The following LRFN5 variants were observed in gnomAD, a reference collection of about 807,000 sequenced individuals.
The protein encoded by LRFN5 is leucine-rich repeat and fibronectin type-III domain-containing protein 5.
In LRFN5, 24 loss-of-function variants were observed where a neutral mutation model predicts 45.6. That is an observed-to-expected ratio of 0.53 (90% CI 0.38 to 0.74). The LOEUF (loss-of-function observed/expected upper bound fraction) is 0.74. Ranked by LOEUF, LRFN5 falls within the 30% of genes least tolerant of loss-of-function variation. LRFN5 has a pLI of 0.00. For synonymous variants in LRFN5, 340 were observed against 313.8 expected (o/e 1.08, Z -0.88); for missense variants, 776 against 861.5 (o/e 0.90, Z 1.24).
At chr14:41,617,193 A>G (rs1446633276) in intron 1 of LRFN5, among the ~76,000 whole-genome samples, 1 of 152,226 alleles carries the variant, frequency 6.6e-6, no homozygotes, top group African/African-American at 2.4e-5. Flanking sequence ...GATGATGATG[A>G]TCATCAGCAT....
chr14:41,743,405 G>C (rs1355834076), intron 1 of LRFN5, among the ~76,000 whole-genome samples: 1 of 152,080 alleles, frequency 6.6e-6, no homozygotes, highest in Non-Finnish European at 1.5e-5. Flanking sequence ...CTTAAACAGT[G>C]TCTGCTTTGG....
intron 1 of LRFN5, among the ~76,000 whole-genome samples, chr14:41,710,794 G>A (rs185700768): frequency 3.3e-5 from 5 of 150,864 alleles, no homozygotes; most frequent in Admixed American, 6.6e-5. Flanking sequence ...GACAGGCCCC[G>A]GTGTGTGATG....
chr14:41,798,396 A>G (rs1461932956), intron 2 of LRFN5, among the ~76,000 whole-genome samples: 1 of 152,086 alleles, frequency 6.6e-6, no homozygotes, highest in Admixed American at 6.6e-5. Context: ...TAGAAAATTT[A>G]AGAACTTATG....
intron 2 of LRFN5, among the ~76,000 whole-genome samples, chr14:41,796,823 A>G (rs888557157): frequency 6.6e-6 from 1 of 151,746 alleles, no homozygotes; most frequent in Non-Finnish European, 1.5e-5. Flanking sequence ...ACTCCTAAAT[A>G]TTTTTTCAAC....
chr14:41,891,498 T>A lies in LRFN5; in HGVS notation c.1634T>A (p.Ile545Asn). 1 of 1,614,170 alleles carries A rather than the reference T, an allele frequency of 6.2e-7. No individual in the cohort carries two copies. The highest frequency in any genetic ancestry group is 8.5e-7 in the Non-Finnish European group (1 of 1,180,036). Residue 545 changes from isoleucine (I) to asparagine (N), a missense_variant, in exon 4 of 6, where the codon ATC becomes AAC. Coordinates refer to ENST00000298119, the MANE Select transcript of LRFN5 (RefSeq NM_152447.5). The part of the protein sequence containing the change: ...GIIVASVLVF[I>N]IILMIRYKVC... ...ATTGTAGCATCTGTGCTGGTATTCA[T>A]CATTATTCTGATGATCCGGTATAAG...
At chr14:41,645,825 G>C (rs530305980) in intron 1 of LRFN5, among the ~76,000 whole-genome samples, 5 of 152,262 alleles carry the variant, frequency 3.3e-5, no homozygotes, top group Admixed American at 1.3e-4. Flanking sequence ...TGTGTAATCT[G>C]CTTTTGGTGA....
chr14:41,617,836 T>C (rs1365750803), intron 1 of LRFN5, among the ~76,000 whole-genome samples: 1 of 152,142 alleles, frequency 6.6e-6, no homozygotes, highest in Admixed American at 6.6e-5. Flanking sequence ...GGTTAACATG[T>C]TTCCTAGTGC....
At chr14:41,734,317 TA>T (rs1411597203) in intron 1 of LRFN5, among the ~76,000 whole-genome samples, 1 of 29,280 alleles carries the variant, frequency 3.4e-5, no homozygotes, top group African/African-American at 2.7e-4. Context: ...GGACTGGTTT[TA>T]TATATATATA....
intron 1 of LRFN5, among the ~76,000 whole-genome samples, chr14:41,614,722 G>A (rs1330059326): frequency 6.6e-6 from 1 of 152,008 alleles, no homozygotes; most frequent in Non-Finnish European, 1.5e-5. Flanking sequence ...ACTTCTCTGA[G>A]CATCAGAATC....
chr14:41,733,419 A>T (rs951968068), intron 1 of LRFN5: 17 of 152,262 alleles, frequency 1.1e-4, no homozygotes, highest in African/African-American at 3.6e-4. Context: ...GAAAATTAAA[A>T]AAAAAAATAT....
At chr14:41,681,790 A>C (rs1881896795) in intron 1 of LRFN5, among the ~76,000 whole-genome samples, 1 of 136,078 alleles carries the variant, frequency 7.3e-6, no homozygotes, top group East Asian at 2.6e-4. Context: ...CTTTTATTTT[A>C]TTTTATTTTA....
rs1891023532 is a variant in LRFN5 at position 41,898,932 on chromosome 14, A to C, written c.2114A>C (p.Asn705Thr). 1.9e-6 allele frequency: 3 copies of C among 1,611,022 alleles called. No individual in the cohort carries two copies. The highest frequency in any genetic ancestry group is 8.5e-7 in the Non-Finnish European group (1 of 1,178,764). The part of the protein sequence containing the change: ...AHIKPNALLT[N>T]VDQIVQETQR... ...TTATTCCCAGATGCTTTGCTGACTA[A>C]TGTTGACCAGATTGTCCAGGAAACA... Residue 705 changes from asparagine to threonine, a missense_variant, in exon 5 of 6, where the codon AAT becomes ACT. Around this residue, in one of 2 missense-constraint regions of LRFN5, gnomAD observed 465 missense variants for 456.4 expected, o/e 1.02. Coordinates refer to ENST00000298119, the MANE Select transcript of LRFN5 (RefSeq NM_152447.5).
At chr14:41,882,584 CT>C (rs1206431372) in intron 2 of LRFN5, among the ~76,000 whole-genome samples, 1 of 152,128 alleles carries the variant, frequency 6.6e-6, no homozygotes, top group African/African-American at 2.4e-5. Flanking sequence ...GATCTCTACC[CT>C]CTTTCTATTC....
At chr14:41,764,750 T>C (rs1017139854) in intron 1 of LRFN5, among the ~76,000 whole-genome samples, 5 of 151,902 alleles carry the variant, frequency 3.3e-5, no homozygotes, top group Non-Finnish European at 2.9e-5. Context: ...AAACAGTTTA[T>C]TTAGGAATAT....
intron 2 of LRFN5, among the ~76,000 whole-genome samples, chr14:41,836,322 T>C (rs538777260): frequency 1.3e-5 from 2 of 152,316 alleles, no homozygotes; most frequent in Admixed American, 1.3e-4. Flanking sequence ...TTAACAATCT[T>C]AGCAAATAAA....
intron 1 of LRFN5, among the ~76,000 whole-genome samples, chr14:41,751,767 T>G (rs1395546590): frequency 6.6e-6 from 1 of 152,260 alleles, no homozygotes; most frequent in East Asian, 1.9e-4. Context: ...AAGAATGTCA[T>G]TTTTTTAAAA....
chr14:41,889,114 C>CTCTCTCTA (rs769783162), intron 3 of LRFN5, among the ~76,000 whole-genome samples: 4 of 146,994 alleles, frequency 2.7e-5, no homozygotes, highest in Non-Finnish European at 6.0e-5. Context: ...ATATATGTCT[C>CTCTCTCTA]TATATATATA....
intron 1 of LRFN5, among the ~76,000 whole-genome samples, chr14:41,692,384 T>C (rs1882415677): frequency 6.6e-6 from 1 of 152,144 alleles, no homozygotes; most frequent in South Asian, 2.1e-4. Flanking sequence ...AGTAGATATT[T>C]TCTTCTAAAT....
chr14:41,680,296 C>T lies in LRFN5; in HGVS notation c.-197+71734C>T, dbSNP rs116800934. Among the ~76,000 whole-genome samples, 399 of 152,272 alleles carry T rather than the reference C, an allele frequency of 2.6e-3. 2 individuals carry two copies. Among genetic ancestry groups the T allele is most frequent in the African/African-American group, 9.2e-3 (382 of 41,564 alleles). On this transcript the variant is annotated intron_variant, in intron 1 of 5. Transcript: ENST00000298119. ...AGGCGGTAGCCACGCATTGGTTACT[C>T]TAGCCTTTGGCCCAGACCCAGTGTT...
Sources: allele counts gnomAD v4.1 joint callset (sites outside exome capture counted in the v4.1 genomes callset), GRCh38; gene constraint gnomAD v4.1.1; regional missense constraint gnomAD v4.1.1; transcripts MANE v1.5; gene names NCBI Gene and HGNC (gene_info 2026-07-23, HGNC 2026-07-21).